The following FAM186B variants were observed in gnomAD, a reference collection of about 807,000 sequenced individuals.
The protein encoded by FAM186B is protein FAM186B.
A neutral mutation model predicts 83.4 loss-of-function variants in FAM186B; 68 were observed. The ratio of observed to expected loss-of-function variants is 0.81; its 90% CI spans 0.67 to 1.00. The LOEUF (loss-of-function observed/expected upper bound fraction) is 1.00, where lower values mean the gene tolerates loss of function less well. Among genes scored for constraint, FAM186B ranks in the 50% least tolerant of loss-of-function variants. The probability of loss-of-function intolerance (pLI) is 0.00; values close to 1 mark genes in which losing one functional copy is unlikely to be tolerated. For missense variants in FAM186B, 983 were observed against 1,099.2 expected, an observed-to-expected ratio of 0.89 and a Z score of 1.49; for synonymous variants, 389 against 422.0, an observed-to-expected ratio of 0.92 and a Z score of 0.96.
chr12:49,617,724 G>T, the FAM186B span, among the ~76,000 whole-genome samples: 1 of 151,394 alleles, frequency 6.6e-6, no homozygotes, highest in Non-Finnish European at 1.5e-5. Flanking sequence ...TAAAGTTTCT[G>T]GGTAAAAAAT....
the FAM186B span, chr12:49,619,667 C>CTTTTTTT: frequency 4.8e-5 from 7 of 145,998 alleles, no homozygotes; most frequent in Admixed American, 1.1e-4. Flanking sequence ...TTAGACATCT[C>CTTTTTTT]TTTTTTTTTT....
the FAM186B span, among the ~76,000 whole-genome samples, chr12:49,611,635 T>C: frequency 1.1e-4 from 1 of 9,100 alleles, no homozygotes; most frequent in Non-Finnish European, 2.3e-4. Flanking sequence ...CCGAGGCGGG[T>C]GGATCACGAG....
chr12:49,617,618 C>A, the FAM186B span, among the ~76,000 whole-genome samples: 1 of 152,160 alleles, frequency 6.6e-6, no homozygotes, highest in Non-Finnish European at 1.5e-5. Flanking sequence ...ATTATAAAGT[C>A]ATTTAATGTC....
chr12:49,614,620 A>G, the FAM186B span, among the ~76,000 whole-genome samples: 1 of 152,158 alleles, frequency 6.6e-6, no homozygotes, highest in African/African-American at 2.4e-5. Flanking sequence ...AAAACTGACT[A>G]TTGGGCACTG....
At position 49,600,860 on chromosome 12, in the gene FAM186B, T is replaced by C. The variant is rs1173803198; in HGVS notation, c.780A>G (p.Lys260=). Reference sequence around the variant, plus strand: ...TCGCCTGCATTTGCAGGTGCCTGTATTTGGTCTCCAGGCTCCTGTTCTCCT... The same window carrying C: ...TCGCCTGCATTTGCAGGTGCCTGTACTTGGTCTCCAGGCTCCTGTTCTCCT... ...QHKENRSLET[K]YRHLQMQATK... Residue 260 remains lysine, a synonymous_variant, in exon 4 of 7, where the codon AAA becomes AAG. Coordinates refer to ENST00000257894, the MANE Select transcript of FAM186B (RefSeq NM_032130.3). This position sits in a 1 kb window ranked among gnomAD's most constrained non-coding sequence, Gnocchi z 4.3. 3 of 1,613,524 alleles carry C rather than the reference T, an allele frequency of 1.9e-6. No homozygotes were observed. The highest frequency in any genetic ancestry group is 2.5e-6 in the Non-Finnish European group (3 of 1,179,820).
At chr12:49,603,439 CAG>C in intron 2 of FAM186B, 72 bp from the exon 3 acceptor site, 1 of 1,473,462 alleles carries the variant, frequency 6.8e-7, no homozygotes, top group Non-Finnish European at 9.3e-7. Flanking sequence ...CCCTATAGCA[CAG>C]GGGTTCCAGC....
Position 49,605,538 on chromosome 12 carries a change from C to A in FAM186B, c.-61G>T. The stretch of plus-strand genomic sequence containing the variant: ...TTTCTGGTCCACAGGCCTGGACACA[C>A]AATGTTGCCTGCTTTGGAGGTTAAG... On this transcript the variant is annotated 5_prime_UTR_variant, in exon 1 of 7. Transcript: ENST00000257894. The A allele has an allele frequency of 6.4e-7, 1 of 1,553,982 alleles. No individual in the cohort carries two copies. Among genetic ancestry groups the A allele is most frequent in the Non-Finnish European group, 8.7e-7 (1 of 1,144,494 alleles).
At chr12:49,595,866 T>C (rs1253396768) in intron 5 of FAM186B, among the ~76,000 whole-genome samples, 1 of 151,936 alleles carries the variant, frequency 6.6e-6, no homozygotes, top group Non-Finnish European at 1.5e-5. Flanking sequence ...GTGCCCATAG[T>C]CCCAGCTACT....
chr12:49,621,748 G>A, the FAM186B span, among the ~76,000 whole-genome samples: 1 of 152,238 alleles, frequency 6.6e-6, no homozygotes, highest in Non-Finnish European at 1.5e-5. Context: ...GGGAATTCCA[G>A]GGTCCTAGGT....
chr12:49,597,384 A>T (rs1939752198), intron 5 of FAM186B, among the ~76,000 whole-genome samples: 1 of 151,850 alleles, frequency 6.6e-6, no homozygotes. Flanking sequence ...GCATGATCTC[A>T]CTTATATGTG....
At chr12:49,610,656 C>G in the FAM186B span, among the ~76,000 whole-genome samples, 1 of 151,762 alleles carries the variant, frequency 6.6e-6, no homozygotes, top group African/African-American at 2.4e-5. Flanking sequence ...CGGACACGGT[C>G]GTGGGCGCCT....
upstream of FAM186B, among the ~76,000 whole-genome samples, chr12:49,606,476 T>C (rs567857234): frequency 2.2e-4 from 31 of 143,474 alleles, no homozygotes; most frequent in Middle Eastern, 3.3e-3. Context: ...GCCTAGGTGA[T>C]AGATACCCTG....
chr12:49,621,612 G>A, the FAM186B span, among the ~76,000 whole-genome samples: 2 of 152,162 alleles, frequency 1.3e-5, no homozygotes, highest in Admixed American at 6.5e-5. Context: ...TAGAGTTTGT[G>A]AGAAATACAT....
In FAM186B at chr12:49,605,564, G is replaced by T. The variant is rs2138315883; in HGVS notation, c.-87C>A. 2.8e-6 allele frequency: 4 copies of T among 1,447,398 alleles called. No homozygotes were observed. The East Asian group carries it at 9.6e-5, about 35-fold the overall frequency. The allele number at this position is 1,447,398 out of a possible 1,614,324, so 89.7% of individuals were successfully genotyped here. A position where few individuals can be genotyped will look rare whatever the true frequency, so the allele number is the denominator to read the frequency against. On this transcript the variant is annotated 5_prime_UTR_variant, in exon 1 of 7. Transcript: ENST00000257894. The stretch of plus-strand genomic sequence containing the variant: ...AATGTTGCCTGCTTTGGAGGTTAAG[G>T]GCACCAGGGTGTCTCCTGGGTACCC...
downstream of FAM186B, chr12:49,583,394 G>A (rs552237918): frequency 1.0e-4 from 26 of 260,628 alleles, no homozygotes; most frequent in Admixed American, 1.2e-3. Context: ...TATTTAGAGC[G>A]ATACATTTAG....
At chr12:49,604,562 G>A (rs1592557218) in intron 1 of FAM186B, 24 bp from the exon 2 acceptor site, 1 of 1,602,286 alleles carries the variant, frequency 6.2e-7, no homozygotes, top group East Asian at 2.2e-5. Flanking sequence ...GCAGATTGTA[G>A]TGTTAGGGCT....
rs367832723 is a variant in FAM186B, at chr12:49,603,173, C to T, written c.505+12G>A. ...CCACCTAGCTCCCTGGCCAGGTGCTCCTAGAACCTACCTTGTGACCTTTTC... is the reference window on the plus strand; with the variant it reads ...CCACCTAGCTCCCTGGCCAGGTGCTTCTAGAACCTACCTTGTGACCTTTTC... On this transcript the variant is annotated intron_variant, in intron 3 of 6. Transcript: ENST00000257894. The T allele has an allele frequency of 3.1e-5, 50 of 1,614,034 alleles. No homozygotes were observed. The highest frequency in any genetic ancestry group is 4.2e-5 in the Non-Finnish European group (50 of 1,180,028).
At chr12:49,583,307 C>G, downstream of FAM186B, 1 of 333,176 alleles carries the variant, frequency 3.0e-6, no homozygotes, top group South Asian at 2.4e-5. Context: ...AGATGTCACT[C>G]ACAGCTAAGT....
Position 49,598,781 on chromosome 12 carries a change from T to G in FAM186B, c.2338A>C (p.Ser780Arg), listed in dbSNP as rs905407924. The change falls in exon 5 of 7, where the codon AGC becomes CGC. Residue 780 changes from serine (S) to arginine (R), a missense_variant. Transcript: ENST00000257894. ...GLEEKHRECL[S>R]SMVTMFPKLQ... Reference sequence around the variant, plus strand: ...TTGGGGAACATGGTCACCATGCTGCTCAGGCACTCTCGGTGCTTCTCCTCC... The same window carrying G: ...TTGGGGAACATGGTCACCATGCTGCGCAGGCACTCTCGGTGCTTCTCCTCC... 6.2e-7 allele frequency: 1 copy of G among 1,610,378 alleles called. No homozygotes were observed. Among genetic ancestry groups the G allele is most frequent in the Non-Finnish European group, 8.5e-7 (1 of 1,179,492 alleles).
Sources: allele counts gnomAD v4.1 joint callset (sites outside exome capture counted in the v4.1 genomes callset), GRCh38; gene constraint gnomAD v4.1.1; non-coding constraint Gnocchi (gnomAD v3.1); transcripts MANE v1.5; gene names NCBI Gene and HGNC (gene_info 2026-07-23, HGNC 2026-07-21).